The following ZNF880 variants were observed in gnomAD, a reference collection of about 807,000 sequenced individuals.
ZNF880 encodes zinc finger protein LOC400713.
In ZNF880, 12 loss-of-function variants were observed where a neutral mutation model predicts 11.8. The ratio of observed to expected loss-of-function variants is 1.02; its 90% CI spans 0.65 to 1.65. The LOEUF (loss-of-function observed/expected upper bound fraction) is 1.65. Among genes scored for constraint, ZNF880 ranks in the 40% most tolerant of loss-of-function variants. ZNF880 has a pLI of 0.00. For synonymous variants in ZNF880, 210 were observed against 232.4 expected (o/e 0.90, Z 0.88); for missense variants, 601 against 673.9 (o/e 0.89, Z 1.20).
At chr19:52,392,609 G>C in the ZNF880 span, 1 of 177,422 alleles carries the variant, frequency 5.6e-6, no homozygotes, top group East Asian at 1.7e-4. Context: ...CCCAGGGCTT[G>C]AGTTTTAAAG....
chr19:52,367,062 CTT>C, upstream of ZNF880: 1 of 349,892 alleles, frequency 2.9e-6, no homozygotes, highest in East Asian at 4.6e-5. Flanking sequence ...ATTTGTAACT[CTT>C]TGATTTAGAA....
At chr19:52,389,796 A>G (rs978112393), downstream of ZNF880, 1 of 152,218 alleles carries the variant, frequency 6.6e-6, no homozygotes, top group Admixed American at 6.6e-5. Context: ...CCTGCAGCTC[A>G]CCTCTGCTCC....
chr19:52,381,648 A>ATT (rs34824772), intron 3 of ZNF880, among the ~76,000 whole-genome samples: 5 of 151,904 alleles, frequency 3.3e-5, no homozygotes, highest in Admixed American at 6.6e-5. Context: ...AATCTTGTAG[A>ATT]TTTTTTTCCC....
At chr19:52,389,930 G>A (rs1202081131), downstream of ZNF880, 2 of 152,290 alleles carry the variant, frequency 1.3e-5, no homozygotes, top group Middle Eastern at 3.4e-3. Context: ...GTCTTCTTTT[G>A]AGCCCTCCAA....
At chr19:52,372,668 G>T (rs1171885002) in intron 1 of ZNF880, among the ~76,000 whole-genome samples, 1 of 150,420 alleles carries the variant, frequency 6.6e-6, no homozygotes, top group Non-Finnish European at 1.5e-5. Flanking sequence ...TTGGGAGGCC[G>T]AGGTGGGCGG....
chr19:52,391,591 A>G, the ZNF880 span: 1 of 152,284 alleles, frequency 6.6e-6, no homozygotes, highest in African/African-American at 2.4e-5. Context: ...AGAGGGGGAC[A>G]CTCAATCCAG....
chr19:52,367,536 A>C (rs746228500), upstream of ZNF880: 1 of 152,186 alleles, frequency 6.6e-6, no homozygotes, highest in South Asian at 2.1e-4. Context: ...TATGATTTTA[A>C]GGTTGAAGCA....
upstream of ZNF880, among the ~76,000 whole-genome samples, chr19:52,368,410 C>T (rs1452267240): frequency 6.6e-6 from 1 of 152,152 alleles, no homozygotes; most frequent in African/African-American, 2.4e-5. Context: ...GACCACTCTT[C>T]TGGAACTTGT....
chr19:52,374,820 C>T, intron 3 of ZNF880: 1 of 425,414 alleles, frequency 2.4e-6, no homozygotes, highest in Admixed American at 3.8e-5. Flanking sequence ...CGTGTACCCT[C>T]AGTCTTTGGG....
At chr19:52,370,025 G>A (rs886290106) in intron 1 of ZNF880, 48 bp downstream of exon 1, 1 of 1,551,108 alleles carries the variant, frequency 6.4e-7, no homozygotes, top group Non-Finnish European at 8.7e-7. Context: ...GAGTCCCCTC[G>A]CGCTTCTGTA....
chr19:52,395,670 T>A, the ZNF880 span: 4 of 152,174 alleles, frequency 2.6e-5, no homozygotes, highest in African/African-American at 9.7e-5. Flanking sequence ...TCTGTATGTG[T>A]TCAACTTGCA....
chr19:52,375,391 C>T (rs1986523806), intron 3 of ZNF880, among the ~76,000 whole-genome samples: 3 of 151,440 alleles, frequency 2.0e-5, no homozygotes, highest in Admixed American at 2.0e-4. Context: ...GGGGTTTCAC[C>T]ATGTTGACCA....
intron 3 of ZNF880, chr19:52,380,198 C>T (rs1181534769): frequency 2.0e-5 from 3 of 152,232 alleles, no homozygotes; most frequent in Non-Finnish European, 2.9e-5. Context: ...CCGTACCTGG[C>T]CCATACTTCT....
At chr19:52,374,449 G>C in intron 3 of ZNF880, 22 bp downstream of exon 3, 1 of 1,600,768 alleles carries the variant, frequency 6.2e-7, no homozygotes, top group Non-Finnish European at 8.5e-7. Context: ...GATGGCCAGA[G>C]TGGAGGCCCC....
At chr19:52,387,555 TCTC>T (rs758587541), downstream of ZNF880, among the ~76,000 whole-genome samples, 29 of 140,762 alleles carry the variant, frequency 2.1e-4, 5 homozygotes, top group Non-Finnish European at 3.1e-4. Flanking sequence ...TTCAAGCAAT[TCTC>T]CTGCTTCAGC....
chr19:52,370,259 G>A, intron 1 of ZNF880: 1 of 474,286 alleles, frequency 2.1e-6, no homozygotes. Flanking sequence ...GACACGGCCC[G>A]CGCTGCGTAA....
intron 3 of ZNF880, among the ~76,000 whole-genome samples, chr19:52,382,946 T>C (rs1169312264): frequency 1.3e-5 from 2 of 152,230 alleles, no homozygotes; most frequent in Non-Finnish European, 2.9e-5. Flanking sequence ...ATCTCAAAAA[T>C]GTACTAGGGT....
At chr19:52,397,558 T>G in the ZNF880 span, 5 of 152,194 alleles carry the variant, frequency 3.3e-5, no homozygotes. Context: ...TTCTCTTTAC[T>G]CTCTCTCTTC....
rs115277571 is a variant in ZNF880, at chr19:52,383,878, G to A, written c.298G>A (p.Gly100Arg). The A allele has an allele frequency of 4.2e-3, 6,428 of 1,540,078 alleles. 231 individuals are homozygous for A. In the African/African-American group the frequency reaches 0.076, roughly 18 times the overall value. ...ESSSKLGSNA[G>R]NKSLKNQLGL... ...CAGCTCTAAATTGGGAAGCAATGCC[G>A]GAAACAAGTCTCTTAAAAATCAACT... Residue 100 changes from glycine to arginine, a missense_variant, in exon 4 of 4, where the codon GGA (glycine) becomes AGA (arginine). Physicochemically the swap from Gly to Arg is moderately radical, Grantham distance 125. Around this residue, in one of 3 missense-constraint regions of ZNF880, gnomAD observed 420 missense variants for 442.6 expected, o/e 0.95. Coordinates refer to ENST00000422689, the MANE Select transcript of ZNF880 (RefSeq NM_001145434.2).
Sources: gnomAD v4.1 joint callset for allele counts (sites outside exome capture counted in the v4.1 genomes callset) on GRCh38, gnomAD v4.1.1 for gene constraint, gnomAD v4.1.1 regional missense constraint, MANE v1.5 for transcripts, NCBI Gene and HGNC (gene_info 2026-07-23, HGNC 2026-07-21) for gene names.